Variants in DPY19L3 observed in about 807,000 individuals in gnomAD.
DPY19L3 encodes the protein dpy-19 like C-mannosyltransferase 3.
In DPY19L3, 51 loss-of-function variants were observed where a neutral mutation model predicts 92.3. That is an observed-to-expected ratio of 0.55 (90% CI 0.44 to 0.70). The LOEUF (loss-of-function observed/expected upper bound fraction) is 0.70, where lower values mean the gene tolerates loss of function less well. Among genes scored for constraint, DPY19L3 ranks in the 30% least tolerant of loss-of-function variants. The pLI, the probability that DPY19L3 is intolerant of heterozygous loss-of-function variation, is 0.00. For missense variants in DPY19L3, 706 were observed against 855.9 expected (o/e 0.82, Z 2.18); for synonymous variants, 309 against 315.2 (o/e 0.98, Z 0.21).
At chr19:32,422,729 G>A (rs1968616484) in intron 3 of DPY19L3, among the ~76,000 whole-genome samples, 1 of 151,962 alleles carries the variant, frequency 6.6e-6, no homozygotes, top group South Asian at 2.1e-4. Flanking sequence ...AATTGAAGGG[G>A]CAGAGCAGTT....
intron 16 of DPY19L3, among the ~76,000 whole-genome samples, chr19:32,477,016 A>G (rs936306087): frequency 1.3e-5 from 2 of 151,992 alleles, no homozygotes; most frequent in Admixed American, 1.3e-4. Flanking sequence ...GATTTGTTAC[A>G]TGTTGCTCTA....
chr19:32,430,894 CA>C (rs1968943675), intron 3 of DPY19L3, among the ~76,000 whole-genome samples: 1 of 151,500 alleles, frequency 6.6e-6, no homozygotes, highest in African/African-American at 2.4e-5. Flanking sequence ...TCCCAAAGTG[CA>C]TGGCTATAGG....
At chr19:32,414,338 G>A (rs564897321) in intron 3 of DPY19L3, among the ~76,000 whole-genome samples, 71 of 151,632 alleles carry the variant, frequency 4.7e-4, no homozygotes, top group Non-Finnish European at 5.9e-4. Context: ...AGAGAATGGC[G>A]TGAACCTGGG....
chr19:32,410,714 C>T (rs1168158776), intron 2 of DPY19L3, among the ~76,000 whole-genome samples: 3 of 152,180 alleles, frequency 2.0e-5, no homozygotes, highest in Admixed American at 6.5e-5. Flanking sequence ...ACCTAGGAGG[C>T]AGAGGTTGCA....
At chr19:32,411,406 T>G in intron 3 of DPY19L3, 34 bp downstream of exon 3, 1 of 1,611,878 alleles carries the variant, frequency 6.2e-7, no homozygotes, top group Non-Finnish European at 8.5e-7. Context: ...TATCATTCAC[T>G]CAGTGGGATC....
chr19:32,465,307 C>T (rs763442859), intron 15 of DPY19L3, among the ~76,000 whole-genome samples: 22 of 152,138 alleles, frequency 1.4e-4, no homozygotes, highest in Non-Finnish European at 2.6e-4. Flanking sequence ...TGACTAGTTT[C>T]TGAAACAGCA....
intron 2 of DPY19L3, among the ~76,000 whole-genome samples, chr19:32,409,279 G>A (rs1161750422): frequency 1.3e-5 from 2 of 152,186 alleles, no homozygotes; most frequent in Admixed American, 6.5e-5. Context: ...ATAAGCATTC[G>A]TATACAGTTT....
intron 18 of DPY19L3, 98 bp from the exon 19 acceptor site, chr19:32,481,981 A>G: frequency 7.5e-7 from 1 of 1,325,004 alleles, no homozygotes; most frequent in Non-Finnish European, 1.0e-6. Flanking sequence ...AATTTCACTC[A>G]CATACCATTC....
Position 32,482,621 on chromosome 19 carries a change from AT to A in DPY19L3, c.*382del, listed in dbSNP as rs1970708336. 1 of 166,512 alleles carries A rather than the reference AT, an allele frequency of 6.0e-6. No homozygotes were observed. Among genetic ancestry groups the A allele is most frequent in the Non-Finnish European group, 1.3e-5 (1 of 77,748 alleles). 10.3% of individuals were successfully genotyped at this position (166,512 alleles called of 1,614,324 possible). Reference sequence around the variant, plus strand: ...AATTTTCAGGTGACTTAAGACAGCTATGATTGAATCAACTAGAGATGATGAT... The same window carrying A: ...AATTTTCAGGTGACTTAAGACAGCTAGATTGAATCAACTAGAGATGATGAT... On this transcript the variant is annotated 3_prime_UTR_variant, in exon 19 of 19. Coordinates refer to ENST00000392250, the MANE Select transcript of DPY19L3 (RefSeq NM_001172774.2).
At position 32,477,515 on chromosome 19, in the gene DPY19L3, C is replaced by T; in HGVS notation, c.1698-7C>T. ...GTGGGGTTAATTCAGACTCTAAAAT[C>T]TTTCAGCTCTAACACTCCAAGAAAG... On this transcript the variant is annotated splice_polypyrimidine_tract_variant and splice_region_variant and intron_variant, in intron 16 of 18. Coordinates refer to ENST00000392250, the MANE Select transcript of DPY19L3 (RefSeq NM_001172774.2). 1 of 1,614,052 alleles carries T rather than the reference C, an allele frequency of 6.2e-7. No individual in the cohort carries two copies. Among genetic ancestry groups the T allele is most frequent in the Non-Finnish European group, 8.5e-7 (1 of 1,179,990 alleles).
intron 1 of DPY19L3, among the ~76,000 whole-genome samples, chr19:32,407,000 TGC>T (rs1491260573): frequency 7.0e-6 from 1 of 142,640 alleles, no homozygotes; most frequent in African/African-American, 2.6e-5. Context: ...TCTGGCTTCC[TGC>T]TTTTTTTTTT....
At chr19:32,422,767 A>T (rs1414188943) in intron 3 of DPY19L3, among the ~76,000 whole-genome samples, 8 of 152,314 alleles carry the variant, frequency 5.3e-5, no homozygotes, top group Middle Eastern at 3.4e-3. Context: ...TAGAAAAATC[A>T]TTAGCAGGAT....
intron 3 of DPY19L3, among the ~76,000 whole-genome samples, chr19:32,431,688 G>T (rs1169204138): frequency 1.3e-5 from 2 of 152,100 alleles, no homozygotes; most frequent in Non-Finnish European, 2.9e-5. Context: ...ATAGCCTGAA[G>T]GTGATTTTAT....
At chr19:32,422,787 T>C (rs1176030449) in intron 3 of DPY19L3, among the ~76,000 whole-genome samples, 2 of 152,204 alleles carry the variant, frequency 1.3e-5, no homozygotes, top group African/African-American at 4.8e-5. Flanking sequence ...TAGAGTTCTC[T>C]GAAGTTGCTG....
intron 16 of DPY19L3, 71 bp from the exon 17 acceptor site, chr19:32,477,451 G>T: frequency 6.3e-7 from 1 of 1,577,856 alleles, no homozygotes; most frequent in Non-Finnish European, 8.7e-7. Flanking sequence ...GAAAAAGTTT[G>T]ATATTGTCTT....
intron 3 of DPY19L3, among the ~76,000 whole-genome samples, chr19:32,423,347 T>A (rs1968639482): frequency 6.7e-6 from 1 of 149,324 alleles, no homozygotes; most frequent in Non-Finnish European, 1.5e-5. Context: ...CAAGCAGTTG[T>A]GCCTCAGCCT....
chr19:32,425,558 A>G (rs71351162), intron 3 of DPY19L3, among the ~76,000 whole-genome samples: 9,228 of 152,176 alleles, frequency 0.061, 437 homozygotes, highest in East Asian at 0.29. Context: ...CTCAAAAAAA[A>G]AAAAGAAAAA....
intron 8 of DPY19L3, among the ~76,000 whole-genome samples, chr19:32,442,141 A>T (rs1022829303): frequency 6.6e-6 from 1 of 152,112 alleles, no homozygotes; most frequent in Non-Finnish European, 1.5e-5. Flanking sequence ...AATAATTGGT[A>T]TAGAAAAAGG....
intron 13 of DPY19L3, 27 bp downstream of exon 13, chr19:32,463,515 C>G (rs922616928): frequency 1.9e-6 from 3 of 1,603,320 alleles, no homozygotes; most frequent in Non-Finnish European, 1.7e-6. Context: ...TGTTTGTTTA[C>G]TTTTTATTTG....
Sources: allele counts gnomAD v4.1 joint callset (sites outside exome capture counted in the v4.1 genomes callset), GRCh38; gene constraint gnomAD v4.1.1; transcripts MANE v1.5; gene names NCBI Gene and HGNC (gene_info 2026-07-23, HGNC 2026-07-21).